The following NELL1 variants were observed in gnomAD, a reference collection of about 807,000 sequenced individuals.
NELL1 encodes protein kinase C-binding protein NELL1.
NELL1 carries 76 observed loss-of-function variants against 107.4 expected under a neutral mutation model. That is an observed-to-expected ratio of 0.71 (90% CI 0.59 to 0.86). NELL1 has a LOEUF of 0.86. NELL1 is among the 40% of genes least tolerant of loss of function. NELL1 has a pLI of 0.00. For missense variants in NELL1, 1,024 were observed against 1,005.5 expected (o/e 1.02, Z -0.25); for synonymous variants, 353 against 341.2 (o/e 1.03, Z -0.38).
At chr11:21,476,542 A>G (rs2133893350) in intron 15 of NELL1, among the ~76,000 whole-genome samples, 1 of 152,308 alleles carries the variant, frequency 6.6e-6, no homozygotes, top group Admixed American at 6.5e-5. Flanking sequence ...AAATGGAGCA[A>G]GATAGCCGAA....
intron 16 of NELL1, among the ~76,000 whole-genome samples, chr11:21,552,811 C>T (rs1164564097): frequency 6.6e-6 from 1 of 151,800 alleles, no homozygotes. Flanking sequence ...TCTGCAGATG[C>T]TGCCCTTCTT....
intron 2 of NELL1, among the ~76,000 whole-genome samples, chr11:20,717,964 G>A (rs1457921055): frequency 6.6e-6 from 1 of 152,068 alleles, no homozygotes; most frequent in Non-Finnish European, 1.5e-5. Flanking sequence ...ACCCCAAAGA[G>A]GTTTGTTTGT....
chr11:20,894,988 C>CTATCTTACTGTG (rs1849694435), intron 5 of NELL1, among the ~76,000 whole-genome samples: 3 of 150,886 alleles, frequency 2.0e-5, no homozygotes, highest in Admixed American at 6.6e-5. Context: ...ATTATTCCCT[C>CTATCTTACTGTG]TGGCCGGGCG....
chr11:20,824,677 C>G (rs2134028861), intron 3 of NELL1, among the ~76,000 whole-genome samples: 1 of 151,424 alleles, frequency 6.6e-6, no homozygotes, highest in African/African-American at 2.4e-5. Context: ...AAATATGACT[C>G]TTGTTATGCT....
intron 5 of NELL1, among the ~76,000 whole-genome samples, chr11:20,905,614 C>G (rs891091088): frequency 5.3e-5 from 8 of 152,092 alleles, no homozygotes; most frequent in Admixed American, 4.6e-4. Context: ...AACAGATACT[C>G]TGCAGCTGAG....
chr11:21,180,540 T>C (rs1050091415), intron 13 of NELL1, among the ~76,000 whole-genome samples: 1 of 151,790 alleles, frequency 6.6e-6, no homozygotes, highest in African/African-American at 2.4e-5. Flanking sequence ...AGTTGGCAAA[T>C]AAAGTAGAAA....
chr11:21,144,770 G>C (rs1042263784), intron 13 of NELL1, among the ~76,000 whole-genome samples: 5 of 152,204 alleles, frequency 3.3e-5, no homozygotes, highest in African/African-American at 1.2e-4. Flanking sequence ...ACAGTAGTTT[G>C]AGTGGCAGGG....
At chr11:21,198,926 A>G (rs1425011522) in intron 13 of NELL1, among the ~76,000 whole-genome samples, 3 of 152,044 alleles carry the variant, frequency 2.0e-5, no homozygotes, top group Admixed American at 6.6e-5. Flanking sequence ...TTGTCCTAGC[A>G]TTTGTTATCT....
intron 15 of NELL1, among the ~76,000 whole-genome samples, chr11:21,440,071 C>A (rs1234349156): frequency 3.3e-5 from 5 of 151,994 alleles, no homozygotes; most frequent in Non-Finnish European, 5.9e-5. Flanking sequence ...TACAGAAAAA[C>A]CAATATTTGG....
intron 15 of NELL1, among the ~76,000 whole-genome samples, chr11:21,430,134 T>C (rs1035117232): frequency 1.3e-5 from 2 of 152,178 alleles, no homozygotes; most frequent in Admixed American, 1.3e-4. Flanking sequence ...GCCAAAGATA[T>C]TAAGCTATTG....
chr11:21,281,098 A>G (rs1848983011), intron 14 of NELL1, among the ~76,000 whole-genome samples: 1 of 151,580 alleles, frequency 6.6e-6, no homozygotes, highest in Non-Finnish European at 1.5e-5. Flanking sequence ...TTTGTCTTCC[A>G]TCTTGGATAC....
chr11:21,391,367 T>C (rs1467658270), intron 15 of NELL1, among the ~76,000 whole-genome samples: 2 of 151,744 alleles, frequency 1.3e-5, no homozygotes, highest in Admixed American at 6.6e-5. Context: ...CTGGAGACTT[T>C]GAAAAACCTT....
At chr11:21,149,353 T>G (rs958848635) in intron 13 of NELL1, among the ~76,000 whole-genome samples, 10 of 152,210 alleles carry the variant, frequency 6.6e-5, no homozygotes, top group African/African-American at 1.7e-4. Context: ...AAAGGAAAGA[T>G]GTTTAATTGG....
At chr11:21,560,415 CTG>C in intron 17 of NELL1, 33 bp downstream of exon 17, 1 of 1,519,930 alleles carries the variant, frequency 6.6e-7, no homozygotes, top group Non-Finnish European at 8.8e-7. Context: ...GAAATTGAAA[CTG>C]TTCTTTCTCT....
chr11:21,029,874 G>C (rs556271309), intron 12 of NELL1, among the ~76,000 whole-genome samples: 1 of 152,290 alleles, frequency 6.6e-6, no homozygotes, highest in South Asian at 2.1e-4. Flanking sequence ...GAAAAGAAAT[G>C]GGAAAACCAT....
rs368762061 is a variant in NELL1 at position 21,312,427 on chromosome 11, TTAAC to T, written c.1550-58419_1550-58416del. Among the ~76,000 whole-genome samples the T allele has an allele frequency of 2.1e-3, 324 of 152,160 alleles. 2 individuals carry two copies. The highest frequency in any genetic ancestry group is 7.2e-3 in the African/African-American group (299 of 41,532). On this transcript the variant is annotated intron_variant, in intron 14 of 19. Transcript: ENST00000357134. ...TTAAGTTAACACATTGCTTTCCAAA[TTAAC>T]TAACTATCCAGAAAAATAATTTAAT...
chr11:20,817,110 T>C lies in NELL1; in HGVS notation c.336-30473T>C, dbSNP rs140196004. Among the ~76,000 whole-genome samples the C allele has an allele frequency of 6.2e-4, 95 of 152,304 alleles. No homozygotes were observed. The East Asian group carries it at 0.012, about 19-fold the overall frequency. Reference sequence around the variant, plus strand: ...TTGGCCTGTAGTTTTCATTTTTTGTTGTGTCTTTGCCAGATGTTGGTATCA... The same window carrying C: ...TTGGCCTGTAGTTTTCATTTTTTGTCGTGTCTTTGCCAGATGTTGGTATCA... On this transcript the variant is annotated intron_variant, in intron 3 of 19. Coordinates refer to ENST00000357134, the MANE Select transcript of NELL1 (RefSeq NM_006157.5).
intron 2 of NELL1, among the ~76,000 whole-genome samples, chr11:20,764,995 C>T (rs560267800): frequency 6.6e-6 from 1 of 152,086 alleles, no homozygotes; most frequent in African/African-American, 2.4e-5. Context: ...GATGTCTCTA[C>T]AAAATTTAAA....
At chr11:21,216,367 G>T (rs1293044088) in intron 13 of NELL1, among the ~76,000 whole-genome samples, 2 of 152,194 alleles carry the variant, frequency 1.3e-5, no homozygotes, top group African/African-American at 4.8e-5. Context: ...CCTCACTGGG[G>T]TACTGCTTAG....
Sources: gnomAD v4.1 joint callset for allele counts (sites outside exome capture counted in the v4.1 genomes callset) on GRCh38, gnomAD v4.1.1 for gene constraint, MANE v1.5 for transcripts, NCBI Gene and HGNC (gene_info 2026-07-23, HGNC 2026-07-21) for gene names.